SUGCT: variants seen among roughly 807,000 people sequenced by gnomAD.
The protein encoded by SUGCT is succinyl-CoA:glutarate CoA-transferase.
Under a neutral mutation model 55.0 loss-of-function variants are expected in SUGCT, and 41 were observed. The ratio of observed to expected loss-of-function variants is 0.74; its 90% CI spans 0.58 to 0.97. SUGCT has a LOEUF of 0.97. Among genes scored for constraint, SUGCT ranks in the 50% least tolerant of loss-of-function variants. The pLI, the probability that SUGCT is intolerant of heterozygous loss-of-function variation, is 0.00. For missense variants in SUGCT, 568 were observed against 547.8 expected, an observed-to-expected ratio of 1.04 and a Z score of -0.37; for synonymous variants, 187 against 200.4, an observed-to-expected ratio of 0.93 and a Z score of 0.56.
At chr7:40,602,646 G>T (rs995583108) in intron 12 of SUGCT, among the ~76,000 whole-genome samples, 2 of 152,154 alleles carry the variant, frequency 1.3e-5, no homozygotes, top group Non-Finnish European at 2.9e-5. Context: ...GCCTCCAGTG[G>T]TATACAGAGC....
chr7:40,443,355 C>A (rs576972445), intron 9 of SUGCT, among the ~76,000 whole-genome samples: 1 of 152,282 alleles, frequency 6.6e-6, no homozygotes, highest in African/African-American at 2.4e-5. Context: ...TAAAAGTGCT[C>A]CTATTTCTCC....
At chr7:40,280,277 T>C (rs919375621) in intron 8 of SUGCT, among the ~76,000 whole-genome samples, 1 of 152,192 alleles carries the variant, frequency 6.6e-6, no homozygotes, top group Non-Finnish European at 1.5e-5. Flanking sequence ...TTTGATTTTT[T>C]TGTCTGAATA....
At chr7:40,529,406 G>C (rs1159194825) in intron 12 of SUGCT, among the ~76,000 whole-genome samples, 1 of 152,210 alleles carries the variant, frequency 6.6e-6, no homozygotes, top group Non-Finnish European at 1.5e-5. Context: ...AGTGCACCAA[G>C]GAGCTGAGTA....
At chr7:40,468,968 C>A (rs1234668161) in intron 11 of SUGCT, among the ~76,000 whole-genome samples, 1 of 152,144 alleles carries the variant, frequency 6.6e-6, no homozygotes, top group Non-Finnish European at 1.5e-5. Flanking sequence ...CCCTTCCTGA[C>A]ACATTTGCCA....
intron 12 of SUGCT, among the ~76,000 whole-genome samples, chr7:40,629,668 A>T (rs537196064): frequency 6.6e-6 from 1 of 152,232 alleles, no homozygotes; most frequent in African/African-American, 2.4e-5. Flanking sequence ...AGGGAAAGTT[A>T]TTGTTCAGAA....
chr7:40,335,539 GCTCT>G (rs1259541173), intron 9 of SUGCT, among the ~76,000 whole-genome samples: 5 of 151,702 alleles, frequency 3.3e-5, no homozygotes, highest in African/African-American at 1.2e-4. Flanking sequence ...TCATGATTTG[GCTCT>G]CTGTTTGTCT....
chr7:40,439,062 GTGTATA>G (rs1255330078), intron 9 of SUGCT, among the ~76,000 whole-genome samples: 1,838 of 46,916 alleles, frequency 0.039, 270 homozygotes, highest in Middle Eastern at 0.062. Context: ...TATATATATG[GTGTATA>G]TATATATATA....
the SUGCT span, among the ~76,000 whole-genome samples, chr7:40,981,459 G>C: frequency 6.6e-6 from 1 of 152,108 alleles, no homozygotes; most frequent in Non-Finnish European, 1.5e-5. Context: ...CTGAATGCAT[G>C]ATCTCTTATT....
chr7:40,763,285 C>G (rs894710454), intron 13 of SUGCT, among the ~76,000 whole-genome samples: 29 of 152,238 alleles, frequency 1.9e-4, no homozygotes, highest in African/African-American at 6.5e-4. Flanking sequence ...AGCACATGGA[C>G]TCTCGGGGTG....
chr7:40,554,124 T>A (rs1211567412), intron 12 of SUGCT, among the ~76,000 whole-genome samples: 1 of 152,238 alleles, frequency 6.6e-6, no homozygotes, highest in African/African-American at 2.4e-5. Flanking sequence ...TTTAATTCTT[T>A]GTGCTCAGCA....
At chr7:40,938,962 A>T in the SUGCT span, among the ~76,000 whole-genome samples, 1 of 152,274 alleles carries the variant, frequency 6.6e-6, no homozygotes, top group South Asian at 2.1e-4. Flanking sequence ...GCAATTGTGA[A>T]TTGTGCTGCA....
intron 11 of SUGCT, among the ~76,000 whole-genome samples, chr7:40,479,100 A>G (rs938008505): frequency 5.9e-5 from 9 of 151,986 alleles, no homozygotes; most frequent in African/African-American, 2.2e-4. Context: ...ATGTTTGTGC[A>G]CCTTATTTTC....
chr7:40,302,816 C>A (rs1794616843), intron 8 of SUGCT, among the ~76,000 whole-genome samples: 1 of 152,046 alleles, frequency 6.6e-6, no homozygotes, highest in Non-Finnish European at 1.5e-5. Flanking sequence ...TCTTAGTGGC[C>A]ATCTTAGAAT....
chr7:40,272,343 A>G (rs954176607), intron 7 of SUGCT, among the ~76,000 whole-genome samples: 4 of 148,986 alleles, frequency 2.7e-5, no homozygotes, highest in Non-Finnish European at 5.9e-5. Context: ...TGCCCGGCTA[A>G]TTTTTGTATT....
At chr7:40,663,796 T>C (rs1801460251) in intron 12 of SUGCT, among the ~76,000 whole-genome samples, 1 of 152,172 alleles carries the variant, frequency 6.6e-6, no homozygotes, top group African/African-American at 2.4e-5. Context: ...CCCAGCAGTG[T>C]TGGCATCACC....
At chr7:40,306,033 G>A (rs892785094) in intron 8 of SUGCT, among the ~76,000 whole-genome samples, 2 of 152,216 alleles carry the variant, frequency 1.3e-5, no homozygotes, top group African/African-American at 4.8e-5. Flanking sequence ...ACCAGCTTAA[G>A]CTATGGTCTG....
the SUGCT span, chr7:40,980,027 C>T: frequency 8.9e-3 from 1,354 of 152,318 alleles, 18 homozygotes; most frequent in African/African-American, 0.031. Flanking sequence ...GTTCTGGAGG[C>T]TAGAAAGTCC....
At chr7:40,772,951 T>C (rs542289177) in intron 13 of SUGCT, among the ~76,000 whole-genome samples, 75 of 152,262 alleles carry the variant, frequency 4.9e-4, no homozygotes, top group African/African-American at 1.7e-3. Flanking sequence ...CATGAAATTC[T>C]TTATAAAATT....
At chr7:40,449,007 T>C (rs1263114702) in intron 9 of SUGCT, among the ~76,000 whole-genome samples, 1 of 151,072 alleles carries the variant, frequency 6.6e-6, no homozygotes, top group Non-Finnish European at 1.5e-5. Flanking sequence ...GAGAGATCTA[T>C]TCTGTGATGA....
Sources: allele counts gnomAD v4.1 joint callset (sites outside exome capture counted in the v4.1 genomes callset), GRCh38; gene constraint gnomAD v4.1.1; transcripts MANE v1.5; gene names NCBI Gene and HGNC (gene_info 2026-07-23, HGNC 2026-07-21).